Variants in TAPBPL observed in about 807,000 individuals in gnomAD.
TAPBPL encodes TAP binding protein like.
A neutral mutation model predicts 44.8 loss-of-function variants in TAPBPL; 32 were observed. That is an observed-to-expected ratio of 0.71 (90% CI 0.54 to 0.96). TAPBPL has a LOEUF of 0.96. Among genes scored for constraint, TAPBPL ranks in the 40% least tolerant of loss-of-function variants. The probability of loss-of-function intolerance (pLI) is 0.00; values close to 1 mark genes in which losing one functional copy is unlikely to be tolerated. For missense variants in TAPBPL, 520 were observed against 586.6 expected (o/e 0.89, Z 1.17); for synonymous variants, 230 against 240.7 (o/e 0.96, Z 0.41).
chr12:6,460,287 A>G (rs756567775), intron 5 of TAPBPL, among the ~76,000 whole-genome samples: 36 of 151,976 alleles, frequency 2.4e-4, no homozygotes, highest in Non-Finnish European at 4.4e-4. Context: ...TTGTTTTGAG[A>G]TAGGGTCTCA....
downstream of TAPBPL, chr12:6,465,354 A>G: frequency 3.3e-6 from 1 of 302,812 alleles, no homozygotes; most frequent in South Asian, 2.5e-5. Flanking sequence ...AGAAAAAGAA[A>G]AAAGTATATA....
downstream of TAPBPL, chr12:6,465,346 AAAAAG>A (rs1452761758): frequency 1.9e-5 from 6 of 322,746 alleles, no homozygotes; most frequent in African/African-American, 4.8e-5. Flanking sequence ...GATTTAAAAG[AAAAAG>A]AAAAAAGTAT....
chr12:6,464,748 C>G, downstream of TAPBPL: 1 of 1,525,964 alleles, frequency 6.6e-7, no homozygotes. Flanking sequence ...TTCCCCCGTC[C>G]CGAACCAGGT....
At chr12:6,467,352 C>T (rs530060972), downstream of TAPBPL, among the ~76,000 whole-genome samples, 1 of 152,234 alleles carries the variant, frequency 6.6e-6, no homozygotes, top group South Asian at 2.1e-4. Flanking sequence ...ATGGCTTTGA[C>T]AAAAATGCTG....
downstream of TAPBPL, chr12:6,463,832 G>A (rs781221614): frequency 6.5e-6 from 8 of 1,229,602 alleles, no homozygotes; most frequent in Non-Finnish European, 7.3e-6. This position sits in a 1 kb window ranked among gnomAD's most constrained non-coding sequence, Gnocchi z 4.0. Flanking sequence ...CAGGCCTCTG[G>A]AGAACAAAGT....
chr12:6,458,656 G>C lies in TAPBPL; in HGVS notation c.916G>C (p.Val306Leu), dbSNP rs765498209. Residue 306 changes from valine (V) to leucine (L), a missense_variant, in exon 5 of 7, where the codon GTA becomes CTA. Val to Leu is a conservative substitution (Grantham distance 32). Coordinates refer to ENST00000266556, the MANE Select transcript of TAPBPL (RefSeq NM_018009.5). ...IQLNIQASPKVRLSLANEALL... is the reference protein window; with the variant it reads ...IQLNIQASPKLRLSLANEALL... ...CATTCTTTCTCCAGCTTCCCCTAAAGTACGACTGAGCTTGGCAAACGAAGC... is the reference window on the plus strand; with the variant it reads ...CATTCTTTCTCCAGCTTCCCCTAAACTACGACTGAGCTTGGCAAACGAAGC... 1 of 1,613,492 alleles carries C rather than the reference G, an allele frequency of 6.2e-7. No homozygotes were observed. Among genetic ancestry groups the C allele is most frequent in the Non-Finnish European group, 8.5e-7 (1 of 1,179,462 alleles).
chr12:6,469,904 CGAAT>C (rs1945727883), downstream of TAPBPL, among the ~76,000 whole-genome samples: 1 of 152,198 alleles, frequency 6.6e-6, no homozygotes, highest in South Asian at 2.1e-4. Context: ...ATCTCCTATA[CGAAT>C]GGCCTTGGTA....
At chr12:6,463,036 C>A (rs1949921876), downstream of TAPBPL, 7 of 1,544,788 alleles carry the variant, frequency 4.5e-6, no homozygotes, top group Non-Finnish European at 6.1e-6. This position sits in a 1 kb window ranked among gnomAD's most constrained non-coding sequence, Gnocchi z 4.0. Context: ...TCCCAGCCTG[C>A]CCTCCTCCCC....
downstream of TAPBPL, chr12:6,466,150 G>A: frequency 6.2e-7 from 1 of 1,612,316 alleles, no homozygotes; most frequent in Non-Finnish European, 8.5e-7. Flanking sequence ...GAAAAAAGGA[G>A]AAAAGATAAG....
downstream of TAPBPL, chr12:6,465,386 G>GTA (rs138439173): frequency 0.035 from 2,107 of 59,524 alleles, 151 homozygotes; most frequent in African/African-American, 0.12. Flanking sequence ...GTATATATAT[G>GTA]TATATATATA....
chr12:6,467,348 T>G (rs1592150127), downstream of TAPBPL, among the ~76,000 whole-genome samples: 1 of 152,248 alleles, frequency 6.6e-6, no homozygotes, highest in East Asian at 1.9e-4. Flanking sequence ...TTGAATGGCT[T>G]TGACAAAAAT....
upstream of TAPBPL, chr12:6,451,801 G>A (rs1592125194): frequency 3.6e-6 from 1 of 276,740 alleles, no homozygotes; most frequent in East Asian, 9.3e-5. Flanking sequence ...ATCTGGCAGA[G>A]GAGGTTTCTC....
At chr12:6,455,060 T>G (rs1287868072) in intron 3 of TAPBPL, among the ~76,000 whole-genome samples, 6 of 152,178 alleles carry the variant, frequency 3.9e-5, no homozygotes, top group African/African-American at 1.4e-4. Flanking sequence ...ATTTCTCTCT[T>G]TTTATTCCAA....
intron 3 of TAPBPL, among the ~76,000 whole-genome samples, chr12:6,456,270 T>C (rs553030952): frequency 5.9e-5 from 9 of 152,302 alleles, no homozygotes; most frequent in African/African-American, 2.2e-4. Flanking sequence ...TCTTGTAGAG[T>C]ATCCCAACAT....
downstream of TAPBPL, among the ~76,000 whole-genome samples, chr12:6,465,523 G>A (rs1312296089): frequency 6.6e-6 from 1 of 150,530 alleles, no homozygotes; most frequent in Non-Finnish European, 1.5e-5. Context: ...TTGTGCTGAT[G>A]TTGGGTGTGT....
chr12:6,456,804 C>G lies in TAPBPL; in HGVS notation c.566-602C>G, dbSNP rs141295417. 2.2e-3 allele frequency among the ~76,000 whole-genome samples: 329 copies of G among 152,188 alleles called. 1 individual carries two copies. The highest frequency in any genetic ancestry group is 7.6e-3 in the African/African-American group (314 of 41,520). ...AGTAGCTGGAATTACAGGCACCTGC[C>G]ACCATGCCCGGCTAATTTTTGTGTT... On this transcript the variant is annotated intron_variant, in intron 3 of 6. Coordinates refer to ENST00000266556, the MANE Select transcript of TAPBPL (RefSeq NM_018009.5).
downstream of TAPBPL, chr12:6,470,824 A>C: frequency 1.9e-6 from 1 of 529,328 alleles, no homozygotes; most frequent in Non-Finnish European, 3.4e-6. Context: ...GCCAGTCACA[A>C]CTCTCCTCTC....
downstream of TAPBPL, chr12:6,465,886 T>C: frequency 6.2e-7 from 1 of 1,614,254 alleles, no homozygotes; most frequent in Non-Finnish European, 8.5e-7. Context: ...TTGGCAGCAC[T>C]GCTCTCAAAT....
At chr12:6,463,460 C>T (rs1365810730), downstream of TAPBPL, 2 of 1,038,658 alleles carry the variant, frequency 1.9e-6, no homozygotes, top group Non-Finnish European at 2.3e-6. The surrounding 1 kb of genome is among the most constrained non-coding windows in gnomAD (Gnocchi z 4.0). Flanking sequence ...CATGGGTGTC[C>T]AAAGATCTCA....
Sources: allele counts gnomAD v4.1 joint callset (sites outside exome capture counted in the v4.1 genomes callset), GRCh38; gene constraint gnomAD v4.1.1; non-coding constraint Gnocchi (gnomAD v3.1); transcripts MANE v1.5; gene names NCBI Gene and HGNC (gene_info 2026-07-23, HGNC 2026-07-21).